SEMA3C: variants seen among roughly 807,000 people sequenced by gnomAD.
SEMA3C encodes semaphorin-3C.
Under a neutral mutation model 89.4 loss-of-function variants are expected in SEMA3C, and 47 were observed. The ratio of observed to expected loss-of-function variants is 0.53; its 90% CI spans 0.42 to 0.67. The LOEUF is 0.67. SEMA3C is among the 30% of genes least tolerant of loss of function. SEMA3C has a pLI of 0.00. For synonymous variants in SEMA3C, 310 were observed against 320.2 expected, an observed-to-expected ratio of 0.97 and a Z score of 0.34; for missense variants, 839 against 929.1, an observed-to-expected ratio of 0.90 and a Z score of 1.26.
chr7:80,919,568 TTG>T (rs1491519436), upstream of SEMA3C, among the ~76,000 whole-genome samples: 6 of 136,988 alleles, frequency 4.4e-5, no homozygotes, highest in African/African-American at 2.0e-4. Context: ...CGTTTTTTTT[TTG>T]TTTTTTGTTT....
At chr7:80,819,225 T>C (rs185288898) in intron 4 of SEMA3C, among the ~76,000 whole-genome samples, 2 of 127,340 alleles carry the variant, frequency 1.6e-5, no homozygotes, top group African/African-American at 3.0e-5. Flanking sequence ...TCCAGAAATA[T>C]TAAAACAACA....
chr7:80,849,273 C>CATTT lies in SEMA3C; in HGVS notation c.104-20529_104-20528insAAAT, dbSNP rs1554379824. Among the ~76,000 whole-genome samples the CATTT allele has an allele frequency of 1.5e-4, 23 of 152,184 alleles. 1 individual carries two copies. Among genetic ancestry groups the CATTT allele is most frequent in the East Asian group, 1.2e-3 (6 of 5,168 alleles). On this transcript the variant is annotated intron_variant, in intron 2 of 17. Coordinates refer to ENST00000265361, the MANE Select transcript of SEMA3C (RefSeq NM_006379.5). ...ACAGCTTTCCACCTACAATTTCAAACCCAACAAGTAGCAACACTAAGTTTT... is the reference window on the plus strand; with the variant it reads ...ACAGCTTTCCACCTACAATTTCAAACATTTCCAACAAGTAGCAACACTAAGTTTT...
intron 2 of SEMA3C, among the ~76,000 whole-genome samples, chr7:80,836,227 T>C (rs1790121456): frequency 6.6e-6 from 1 of 152,162 alleles, no homozygotes; most frequent in South Asian, 2.1e-4. Flanking sequence ...GTATCAGACA[T>C]AGCTTCATCA....
chr7:80,746,718 G>GGTGTGTGTGTGTGTGTGT (rs5885196), intron 17 of SEMA3C, among the ~76,000 whole-genome samples: 4,783 of 142,944 alleles, frequency 0.033, 100 homozygotes, highest in Middle Eastern at 0.074. Flanking sequence ...ATTGAAGTGG[G>GGTGTGTGTGTGTGTGTGT]GTGTGTGTGT....
chr7:80,766,571 C>T (rs931511859), intron 12 of SEMA3C, among the ~76,000 whole-genome samples: 2 of 152,198 alleles, frequency 1.3e-5, no homozygotes, highest in Admixed American at 1.3e-4. Context: ...AGGCCTGCTC[C>T]CACAATGTGG....
rs113757552 is a variant in SEMA3C, at chr7:80,768,641, A to G, written c.1355-3398T>C. 5.0e-3 allele frequency among the ~76,000 whole-genome samples: 765 copies of G among 152,352 alleles called. 6 individuals are homozygous for G. The highest frequency in any genetic ancestry group is 0.018 in the African/African-American group (729 of 41,582). Reference sequence around the variant, plus strand: ...GGATGCTGTGCAGAGACCTGTCACAACTGAAAATGGATGCATGTGGTTGGA... The same window carrying G: ...GGATGCTGTGCAGAGACCTGTCACAGCTGAAAATGGATGCATGTGGTTGGA... On this transcript the variant is annotated intron_variant, in intron 12 of 17. Coordinates refer to ENST00000265361, the MANE Select transcript of SEMA3C (RefSeq NM_006379.5).
chr7:80,914,826 T>A (rs1176539077), intron 2 of SEMA3C, among the ~76,000 whole-genome samples: 1 of 152,208 alleles, frequency 6.6e-6, no homozygotes, highest in African/African-American at 2.4e-5. Context: ...TATATTATTT[T>A]AAATCCCATC....
chr7:80,893,588 T>G (rs903770412), intron 2 of SEMA3C, among the ~76,000 whole-genome samples: 1 of 152,252 alleles, frequency 6.6e-6, no homozygotes, highest in African/African-American at 2.4e-5. Context: ...TGATGTCTGT[T>G]CGATACAAAA....
intron 11 of SEMA3C, among the ~76,000 whole-genome samples, chr7:80,792,640 A>C (rs1312650103): frequency 1.3e-5 from 2 of 152,188 alleles, no homozygotes; most frequent in Non-Finnish European, 2.9e-5. Flanking sequence ...AGGTAATCTA[A>C]ACAAATCAAA....
chr7:80,879,449 T>C (rs1462434283), intron 2 of SEMA3C, among the ~76,000 whole-genome samples: 3 of 152,102 alleles, frequency 2.0e-5, no homozygotes, highest in African/African-American at 7.2e-5. Context: ...GTGGGTGTAG[T>C]AAGGTTGTAG....
intron 2 of SEMA3C, among the ~76,000 whole-genome samples, chr7:80,845,700 G>C (rs759417065): frequency 5.9e-5 from 9 of 152,064 alleles, no homozygotes; most frequent in Non-Finnish European, 1.2e-4. Context: ...TGCTCTTCCT[G>C]TCTTTAGTTT....
chr7:80,756,711 G>A lies in SEMA3C; in HGVS notation c.1643+1620C>T, dbSNP rs151035451. Among the ~76,000 whole-genome samples the A allele has an allele frequency of 1.3e-3, 204 of 152,228 alleles. 1 individual carries two copies. The highest frequency in any genetic ancestry group is 4.7e-3 in the African/African-American group (195 of 41,546). On this transcript the variant is annotated intron_variant, in intron 15 of 17. Transcript: ENST00000265361. ...AATCCTGACATACTCCAGTATTAGA[G>A]ATTTCTGGTCCCTCTTCCTGGAATG...
At chr7:80,776,704 A>T (rs981533396) in intron 12 of SEMA3C, among the ~76,000 whole-genome samples, 15 of 152,204 alleles carry the variant, frequency 9.9e-5, no homozygotes, top group African/African-American at 3.6e-4. Context: ...GATGTTACTG[A>T]AGTTTTAAAA....
intron 12 of SEMA3C, among the ~76,000 whole-genome samples, chr7:80,771,003 G>C (rs1286888244): frequency 6.6e-6 from 1 of 152,204 alleles, no homozygotes; most frequent in East Asian, 1.9e-4. Context: ...CTATGTCTGA[G>C]GCTGTGTTCT....
chr7:80,806,604 C>A (rs752742031), intron 6 of SEMA3C, among the ~76,000 whole-genome samples: 1 of 152,012 alleles, frequency 6.6e-6, no homozygotes, highest in East Asian at 1.9e-4. Context: ...TAACATTCAA[C>A]ATTTACCTTA....
At chr7:80,919,910 C>T (rs1792376992), upstream of SEMA3C, among the ~76,000 whole-genome samples, 1 of 152,106 alleles carries the variant, frequency 6.6e-6, no homozygotes, top group South Asian at 2.1e-4. Context: ...AATCTTGTTG[C>T]ACAAGTGTAT....
chr7:80,908,967 C>CT (rs1180622482), intron 2 of SEMA3C, among the ~76,000 whole-genome samples: 1 of 152,014 alleles, frequency 6.6e-6, no homozygotes, highest in African/African-American at 2.4e-5. Context: ...AATACAACAG[C>CT]TTTTTTCTGA....
At chr7:80,790,353 GGAGGA>G (rs991287513) in intron 11 of SEMA3C, among the ~76,000 whole-genome samples, 5 of 151,922 alleles carry the variant, frequency 3.3e-5, no homozygotes, top group African/African-American at 4.8e-5. Flanking sequence ...AAGGAGAAGG[GGAGGA>G]GAGAAGAAGA....
chr7:80,752,337 T>G (rs1787954286), intron 15 of SEMA3C, among the ~76,000 whole-genome samples: 1 of 152,010 alleles, frequency 6.6e-6, no homozygotes, highest in South Asian at 2.1e-4. Flanking sequence ...TTGGGCCAGG[T>G]GCGGTGGCTC....
Sources: allele counts gnomAD v4.1 joint callset (sites outside exome capture counted in the v4.1 genomes callset), GRCh38; gene constraint gnomAD v4.1.1; transcripts MANE v1.5; gene names NCBI Gene and HGNC (gene_info 2026-07-23, HGNC 2026-07-21).